The following ZC3H12B variants were observed in gnomAD, a reference collection of about 807,000 sequenced individuals.
ZC3H12B encodes the protein zinc finger CCCH-type containing 12B.
In ZC3H12B, 7 loss-of-function variants were observed where a neutral mutation model predicts 43.9. That is an observed-to-expected ratio of 0.16 (90% CI 0.09 to 0.30). The LOEUF is 0.30. Ranked by LOEUF, ZC3H12B falls within the 10% of genes least tolerant of loss-of-function variation. ZC3H12B has a pLI of 1.00. For missense variants in ZC3H12B, 475 were observed against 670.2 expected, an observed-to-expected ratio of 0.71 and a Z score of 3.22; for synonymous variants, 222 against 241.7, an observed-to-expected ratio of 0.92 and a Z score of 0.76.
the ZC3H12B span, among the ~76,000 whole-genome samples, chrX:65,155,955 A>G: frequency 2.0e-4 from 22 of 111,060 alleles, no homozygotes; most frequent in Non-Finnish European, 3.8e-4. Flanking sequence ...CCTTTAAACT[A>G]TCTCTGCCTA....
chrX:65,192,785 T>TAGATAGATAGAA, the ZC3H12B span, among the ~76,000 whole-genome samples: 1 of 109,984 alleles, frequency 9.1e-6, no homozygotes, highest in African/African-American at 3.4e-5. Flanking sequence ...GATAGATAGA[T>TAGATAGATAGAA]AGATAGATAG....
chrX:65,322,129 C>A, the ZC3H12B span, among the ~76,000 whole-genome samples: 2 of 111,557 alleles, frequency 1.8e-5, no homozygotes, highest in Non-Finnish European at 1.9e-5. Flanking sequence ...CATGTTCGAA[C>A]TTGAAGGGGA....
chrX:65,240,943 G>A, the ZC3H12B span, among the ~76,000 whole-genome samples: 808 of 111,608 alleles, frequency 7.2e-3, 1 homozygote, highest in Middle Eastern at 0.028. Flanking sequence ...CTGACCCAGG[G>A]GAGGTACTGA....
chrX:65,337,269 A>G, the ZC3H12B span, among the ~76,000 whole-genome samples: 1 of 111,922 alleles, frequency 8.9e-6, no homozygotes, highest in Non-Finnish European at 1.9e-5. Flanking sequence ...CATCAGAAAG[A>G]TGTTACCAGA....
chrX:65,245,715 AT>A, the ZC3H12B span, among the ~76,000 whole-genome samples: 2 of 111,804 alleles, frequency 1.8e-5, 1 homozygote, highest in Admixed American at 1.9e-4. Context: ...AGACCTATGT[AT>A]GACCAACCCC....
At chrX:65,332,877 T>C in the ZC3H12B span, among the ~76,000 whole-genome samples, 1 of 112,320 alleles carries the variant, frequency 8.9e-6, no homozygotes, top group Non-Finnish European at 1.9e-5. Flanking sequence ...AGATAAATCA[T>C]GGTAAGACCA....
chrX:65,347,560 G>A, the ZC3H12B span, among the ~76,000 whole-genome samples: 1 of 111,878 alleles, frequency 8.9e-6, no homozygotes, highest in Non-Finnish European at 1.9e-5. Flanking sequence ...CAGTTAGAAT[G>A]GTGATCATTA....
the ZC3H12B span, among the ~76,000 whole-genome samples, chrX:65,346,922 C>T: frequency 1.8e-5 from 2 of 112,319 alleles, no homozygotes; most frequent in African/African-American, 3.2e-5. Context: ...AAGAGAGCAG[C>T]GGACCTCCCA....
the ZC3H12B span, among the ~76,000 whole-genome samples, chrX:65,349,354 C>T: frequency 1.8e-5 from 2 of 112,003 alleles, no homozygotes; most frequent in African/African-American, 6.5e-5. Flanking sequence ...ATCTCAGACA[C>T]ATTTAAAGCA....
chrX:65,310,978 T>C, the ZC3H12B span, among the ~76,000 whole-genome samples: 1 of 112,006 alleles, frequency 8.9e-6, no homozygotes, highest in African/African-American at 3.2e-5. Flanking sequence ...TTCCTTACAA[T>C]TTATACAAAA....
At chrX:65,357,374 T>C in the ZC3H12B span, 8 of 225,796 alleles carry the variant, frequency 3.5e-5, no homozygotes, top group South Asian at 4.4e-4. Flanking sequence ...ACAGGAAATG[T>C]TGCACAAACA....
chrX:65,375,003 C>A lies in ZC3H12B; in HGVS notation n.295+6005C>A, dbSNP rs761291287. Among the ~76,000 whole-genome samples, 284 of 111,372 alleles carry A rather than the reference C, an allele frequency of 2.6e-3. 1 individual carries two copies. Among genetic ancestry groups the A allele is most frequent in the Admixed American group, 3.5e-3 (37 of 10,465 alleles). ...AGATGAGATTTGAGAGGAGACACAGCCAAACCATATCAGGCACTGAAGTGG... is the reference window on the plus strand; with the variant it reads ...AGATGAGATTTGAGAGGAGACACAGACAAACCATATCAGGCACTGAAGTGG... On this transcript the variant is annotated intron_variant and non_coding_transcript_variant, in intron 2 of 5. Coordinates refer to the ZC3H12B transcript ENST00000617377.
chrX:65,362,187 C>A (rs2066112272), upstream of ZC3H12B, among the ~76,000 whole-genome samples: 1 of 111,937 alleles, frequency 8.9e-6, no homozygotes, highest in Non-Finnish European at 1.9e-5. Flanking sequence ...TGGCTGAAGA[C>A]TGACACTGCC....
the ZC3H12B span, among the ~76,000 whole-genome samples, chrX:65,114,545 C>A: frequency 4.5e-5 from 5 of 110,241 alleles, no homozygotes; most frequent in Admixed American, 4.9e-4. Context: ...CATAGTATTA[C>A]CATATTATTC....
the ZC3H12B span, among the ~76,000 whole-genome samples, chrX:65,145,240 C>CTT: frequency 0.012 from 1,158 of 98,527 alleles, 20 homozygotes; most frequent in East Asian, 0.12. Flanking sequence ...TCTTCGTTTT[C>CTT]TTTTTTTTTT....
intron 2 of ZC3H12B, among the ~76,000 whole-genome samples, chrX:65,387,761 T>G (rs1215073329): frequency 8.9e-6 from 1 of 112,885 alleles, no homozygotes; most frequent in Admixed American, 9.4e-5. Flanking sequence ...TTTGGCATGT[T>G]TTTGCAGTGG....
chrX:65,252,183 A>G, the ZC3H12B span, among the ~76,000 whole-genome samples: 1 of 111,778 alleles, frequency 8.9e-6, no homozygotes, highest in Non-Finnish European at 1.9e-5. Flanking sequence ...TTCTGCATCT[A>G]TTGAGATAAT....
the ZC3H12B span, among the ~76,000 whole-genome samples, chrX:65,115,150 T>C: frequency 4.6e-5 from 5 of 108,264 alleles, no homozygotes; most frequent in African/African-American, 1.7e-4. Context: ...GGTGCACCCA[T>C]CATCCAAGCC....
the ZC3H12B span, among the ~76,000 whole-genome samples, chrX:65,130,254 T>C: frequency 1.8e-5 from 2 of 111,177 alleles, no homozygotes; most frequent in Non-Finnish European, 3.8e-5. Context: ...ACCAAGAGCC[T>C]GAGAAACTGC....
Sources: gnomAD v4.1 joint callset for allele counts (sites outside exome capture counted in the v4.1 genomes callset) on GRCh38, gnomAD v4.1.1 for gene constraint, MANE v1.5 for transcripts, NCBI Gene and HGNC (gene_info 2026-07-23, HGNC 2026-07-21) for gene names.